ADCY2: variants seen among roughly 807,000 people sequenced by gnomAD.
ADCY2 encodes adenylate cyclase 2, also known as adenylate cyclase type 2.
In ADCY2, 31 loss-of-function variants were observed where a neutral mutation model predicts 125.2. That is an observed-to-expected ratio of 0.25 (90% CI 0.19 to 0.33). ADCY2 has a LOEUF of 0.33. ADCY2 is among the 10% of genes least tolerant of loss of function. ADCY2 has a pLI of 1.00. For missense variants in ADCY2, 904 were observed against 1,418.2 expected, an observed-to-expected ratio of 0.64 and a Z score of 5.82; for synonymous variants, 512 against 548.4, an observed-to-expected ratio of 0.93 and a Z score of 0.93.
At chr5:7,777,670 G>A (rs1483540980) in intron 18 of ADCY2, among the ~76,000 whole-genome samples, 1 of 152,242 alleles carries the variant, frequency 6.6e-6, no homozygotes, top group Non-Finnish European at 1.5e-5. Context: ...CTATGGCAAG[G>A]CCTTTTCAGA....
intron 4 of ADCY2, among the ~76,000 whole-genome samples, chr5:7,642,958 T>G (rs1333064918): frequency 3.3e-5 from 5 of 152,220 alleles, no homozygotes; most frequent in South Asian, 2.1e-4. Context: ...AAGGGAGTTC[T>G]AAATGTGGAA....
At chr5:7,400,516 A>G (rs898358766) in intron 1 of ADCY2, among the ~76,000 whole-genome samples, 1 of 152,252 alleles carries the variant, frequency 6.6e-6, no homozygotes, top group Admixed American at 6.5e-5. Context: ...AATTATTTGT[A>G]GAGGCCAACC....
chr5:7,475,968 A>G (rs1742510711), intron 2 of ADCY2, among the ~76,000 whole-genome samples: 1 of 152,220 alleles, frequency 6.6e-6, no homozygotes, highest in Non-Finnish European at 1.5e-5. Flanking sequence ...GTACTTAATC[A>G]GAACTCATTT....
intron 16 of ADCY2, among the ~76,000 whole-genome samples, chr5:7,760,802 A>T (rs886867326): frequency 5.3e-5 from 8 of 152,158 alleles, no homozygotes; most frequent in African/African-American, 1.7e-4. Flanking sequence ...CTTAAATACA[A>T]CAGAATATTA....
chr5:7,436,817 G>T (rs1740822818), intron 2 of ADCY2, among the ~76,000 whole-genome samples: 1 of 152,202 alleles, frequency 6.6e-6, no homozygotes, highest in Non-Finnish European at 1.5e-5. Context: ...TTTTGTGATG[G>T]GAGTGGGTCT....
intron 4 of ADCY2, among the ~76,000 whole-genome samples, chr5:7,671,510 T>C (rs990563900): frequency 2.6e-5 from 4 of 152,206 alleles, no homozygotes; most frequent in African/African-American, 9.6e-5. Flanking sequence ...GAGAAATAGT[T>C]CTCTCCATCA....
chr5:7,493,473 G>A (rs1579500635), intron 2 of ADCY2, among the ~76,000 whole-genome samples: 1 of 152,138 alleles, frequency 6.6e-6, no homozygotes, highest in Non-Finnish European at 1.5e-5. Context: ...TAAACTGTAA[G>A]GATCTGAAAA....
chr5:7,701,097 A>G (rs1172316099), intron 7 of ADCY2, among the ~76,000 whole-genome samples: 1 of 151,832 alleles, frequency 6.6e-6, no homozygotes, highest in Non-Finnish European at 1.5e-5. Flanking sequence ...TGAAAAAAAT[A>G]TATTTTTTTT....
At chr5:7,599,393 C>G (rs2126633760) in intron 3 of ADCY2, among the ~76,000 whole-genome samples, 1 of 152,236 alleles carries the variant, frequency 6.6e-6, no homozygotes, top group South Asian at 2.1e-4. Context: ...AAGGATAGGT[C>G]AAGGAGGAAT....
At chr5:7,797,036 C>G (rs1744441726) in intron 20 of ADCY2, 1 of 152,304 alleles carries the variant, frequency 6.6e-6, no homozygotes, top group Admixed American at 6.5e-5. Context: ...GCAAACAGCA[C>G]CTCCCTTTCT....
At chr5:7,633,528 T>A (rs1206062431) in intron 4 of ADCY2, among the ~76,000 whole-genome samples, 1 of 152,186 alleles carries the variant, frequency 6.6e-6, no homozygotes, top group Non-Finnish European at 1.5e-5. Flanking sequence ...GCAGAGATTC[T>A]TTTAATGGTT....
intron 2 of ADCY2, among the ~76,000 whole-genome samples, chr5:7,446,675 C>T (rs766644): frequency 4.6e-5 from 7 of 152,096 alleles, no homozygotes; most frequent in African/African-American, 9.7e-5. Flanking sequence ...TTGCATTTAT[C>T]GATGCAGTCA....
intron 3 of ADCY2, among the ~76,000 whole-genome samples, chr5:7,598,004 G>A (rs559270963): frequency 6.6e-6 from 1 of 152,242 alleles, no homozygotes; most frequent in African/African-American, 2.4e-5. Context: ...AACATGCCCA[G>A]CACAACGTAT....
chr5:7,812,696 T>C (rs1744983812), intron 22 of ADCY2, among the ~76,000 whole-genome samples: 1 of 152,264 alleles, frequency 6.6e-6, no homozygotes, highest in Admixed American at 6.5e-5. Flanking sequence ...TCACCTGAGC[T>C]CAGGAGTGCG....
At chr5:7,761,011 C>T (rs951539148) in intron 16 of ADCY2, among the ~76,000 whole-genome samples, 1 of 152,116 alleles carries the variant, frequency 6.6e-6, no homozygotes, top group East Asian at 1.9e-4. Context: ...TTTTTCTGTA[C>T]GTGGCTTATT....
At chr5:7,511,021 C>T (rs910269007) in intron 2 of ADCY2, among the ~76,000 whole-genome samples, 5 of 152,172 alleles carry the variant, frequency 3.3e-5, no homozygotes, top group African/African-American at 1.2e-4. Context: ...TGCCTCTGCT[C>T]AGTCAGCCTC....
Position 7,618,519 on chromosome 5 carries a change from TA to T in ADCY2, c.571-7646del, listed in dbSNP as rs1273903275. Among the ~76,000 whole-genome samples the T allele has an allele frequency of 3.9e-5, 6 of 152,312 alleles. No individual in the cohort carries two copies. The South Asian group carries it at 1.2e-3, about 32-fold the overall frequency. ...AATGGAGTATTATTTTCTCCTAAAC[TA>T]AGCTGCGTAAGTCAGACTCTCTAAT... On this transcript the variant is annotated intron_variant, in intron 3 of 24. Coordinates refer to ENST00000338316, the MANE Select transcript of ADCY2 (RefSeq NM_020546.3).
chr5:7,740,423 C>T (rs1742375237), intron 14 of ADCY2, among the ~76,000 whole-genome samples: 1 of 152,118 alleles, frequency 6.6e-6, no homozygotes, highest in East Asian at 1.9e-4. Context: ...CTAACATTGA[C>T]AGATCAAGCA....
chr5:7,648,149 C>CT (rs1239951054), intron 4 of ADCY2, among the ~76,000 whole-genome samples: 4 of 152,024 alleles, frequency 2.6e-5, no homozygotes, highest in Admixed American at 6.6e-5. Flanking sequence ...GACTGGTTGC[C>CT]TTTTTTTTCT....
Sources: allele counts gnomAD v4.1 joint callset (sites outside exome capture counted in the v4.1 genomes callset), GRCh38; gene constraint gnomAD v4.1.1; transcripts MANE v1.5; gene names NCBI Gene and HGNC (gene_info 2026-07-23, HGNC 2026-07-21).